The following MYRIP variants were observed in gnomAD, a reference collection of about 807,000 sequenced individuals.
The protein encoded by MYRIP is myosin VIIA and Rab interacting protein, also known as rab effector MyRIP.
A neutral mutation model predicts 98.0 loss-of-function variants in MYRIP; 49 were observed. The ratio of observed to expected loss-of-function variants is 0.50; its 90% CI spans 0.40 to 0.63. The LOEUF is 0.63. Ranked by LOEUF, MYRIP falls within the 30% of genes least tolerant of loss-of-function variation. The pLI, the probability that MYRIP is intolerant of heterozygous loss-of-function variation, is 0.00. For missense variants in MYRIP, 1,004 were observed against 1,058.2 expected (o/e 0.95, Z 0.71); for synonymous variants, 404 against 409.5 (o/e 0.99, Z 0.16).
chr3:39,980,823 G>A (rs982580283), intron 2 of MYRIP, among the ~76,000 whole-genome samples: 1 of 152,046 alleles, frequency 6.6e-6, no homozygotes, highest in Non-Finnish European at 1.5e-5. Context: ...ATCTATAAGT[G>A]CCTAGAGTAG....
At chr3:40,154,557 T>C (rs1393886986) in intron 4 of MYRIP, among the ~76,000 whole-genome samples, 1 of 152,204 alleles carries the variant, frequency 6.6e-6, no homozygotes, top group African/African-American at 2.4e-5. Flanking sequence ...TAAATTTAAT[T>C]TTATTTTAAG....
At chr3:39,891,915 TC>T (rs1943498574) in intron 1 of MYRIP, among the ~76,000 whole-genome samples, 2 of 151,948 alleles carry the variant, frequency 1.3e-5, no homozygotes, top group African/African-American at 4.8e-5. Context: ...CTGTTTTTTT[TC>T]TTTTGACTTT....
chr3:40,089,934 TCA>T (rs1313888881), intron 3 of MYRIP, among the ~76,000 whole-genome samples: 1 of 152,028 alleles, frequency 6.6e-6, no homozygotes, highest in African/African-American at 2.4e-5. Flanking sequence ...TCAAGCAAAG[TCA>T]CACCCTACAC....
intron 2 of MYRIP, among the ~76,000 whole-genome samples, chr3:39,985,912 T>A (rs1946020326): frequency 6.6e-6 from 1 of 151,430 alleles, no homozygotes; most frequent in Admixed American, 6.6e-5. Flanking sequence ...GGGTTTCATG[T>A]CTAAAACACC....
At chr3:39,935,268 G>A (rs890770537) in intron 2 of MYRIP, among the ~76,000 whole-genome samples, 1 of 152,218 alleles carries the variant, frequency 6.6e-6, no homozygotes, top group Non-Finnish European at 1.5e-5. Flanking sequence ...GTGTGTTCAG[G>A]TGGGGAGGGT....
intron 3 of MYRIP, among the ~76,000 whole-genome samples, chr3:40,116,852 C>G (rs1279420983): frequency 6.6e-6 from 1 of 152,220 alleles, no homozygotes; most frequent in African/African-American, 2.4e-5. Flanking sequence ...TCTACAATCT[C>G]ATAACATTAT....
At chr3:40,142,823 G>A (rs1335828083) in intron 3 of MYRIP, among the ~76,000 whole-genome samples, 1 of 152,212 alleles carries the variant, frequency 6.6e-6, no homozygotes, top group East Asian at 1.9e-4. Flanking sequence ...ACAGTTCCAA[G>A]TTGGAAAGCT....
intron 3 of MYRIP, among the ~76,000 whole-genome samples, chr3:40,061,021 T>C (rs1203857747): frequency 6.6e-6 from 1 of 152,226 alleles, no homozygotes; most frequent in Non-Finnish European, 1.5e-5. Flanking sequence ...GATTAAAAAC[T>C]TCATTATATT....
chr3:40,236,752 A>G (rs1346528923), intron 12 of MYRIP, among the ~76,000 whole-genome samples: 1 of 152,226 alleles, frequency 6.6e-6, no homozygotes, highest in East Asian at 1.9e-4. Flanking sequence ...TATCAAATCA[A>G]GTTAGGTGAT....
At chr3:39,838,926 G>T (rs1392697458) in intron 1 of MYRIP, among the ~76,000 whole-genome samples, 1 of 151,996 alleles carries the variant, frequency 6.6e-6, no homozygotes, top group East Asian at 1.9e-4. Context: ...CTTCTTCCTG[G>T]TTTAGTCTTG....
At chr3:40,119,772 G>T (rs886838821) in intron 3 of MYRIP, among the ~76,000 whole-genome samples, 11 of 152,006 alleles carry the variant, frequency 7.2e-5, no homozygotes, top group African/African-American at 1.5e-4. Flanking sequence ...GTTGTGGGGT[G>T]GGGGGAGCAG....
chr3:40,203,299 G>A (rs1385794285), intron 10 of MYRIP, among the ~76,000 whole-genome samples: 1 of 151,990 alleles, frequency 6.6e-6, no homozygotes, highest in African/African-American at 2.4e-5. Flanking sequence ...AGAATTTTTA[G>A]AAGACCTCCA....
At chr3:40,256,590 G>A (rs909884528) in intron 16 of MYRIP, among the ~76,000 whole-genome samples, 8 of 150,328 alleles carry the variant, frequency 5.3e-5, no homozygotes, top group African/African-American at 1.7e-4. Flanking sequence ...TATATAAAAG[G>A]ATGTCAATTT....
intron 1 of MYRIP, among the ~76,000 whole-genome samples, chr3:39,869,278 C>G (rs1384963586): frequency 4.6e-5 from 7 of 152,122 alleles, no homozygotes; most frequent in African/African-American, 1.7e-4. Context: ...ATTGTTCAGA[C>G]TAATCTGAAT....
At chr3:39,915,241 A>G (rs1169193586) in intron 2 of MYRIP, among the ~76,000 whole-genome samples, 1 of 152,052 alleles carries the variant, frequency 6.6e-6, no homozygotes, top group Non-Finnish European at 1.5e-5. Flanking sequence ...TCTGGTTAGT[A>G]AAAAACACAA....
chr3:40,060,143 C>CT lies in MYRIP; in HGVS notation c.332+15877dup, dbSNP rs200042755. On this transcript the variant is annotated intron_variant, in intron 3 of 16. Coordinates refer to ENST00000302541, the MANE Select transcript of MYRIP (RefSeq NM_015460.4). ...AACTGCCAAACATCAAAAATTGAGTCTTTTTAAAAAAAAAAATTTTACAAG... is the reference window on the plus strand; with the variant it reads ...AACTGCCAAACATCAAAAATTGAGTCTTTTTTAAAAAAAAAAATTTTACAAG... Among the ~76,000 whole-genome samples the CT allele has an allele frequency of 3.2e-4, 48 of 151,920 alleles. 1 individual carries two copies. In the East Asian group the frequency reaches 5.2e-3, roughly 17 times the overall value.
chr3:39,996,325 G>A (rs1163356280), intron 2 of MYRIP, among the ~76,000 whole-genome samples: 7 of 152,090 alleles, frequency 4.6e-5, no homozygotes, highest in Non-Finnish European at 8.8e-5. Context: ...TCAAAATAAA[G>A]GGATGGAGGA....
intron 2 of MYRIP, among the ~76,000 whole-genome samples, chr3:40,022,307 G>T (rs1947016617): frequency 6.6e-6 from 1 of 152,186 alleles, no homozygotes; most frequent in African/African-American, 2.4e-5. Context: ...TGTGGTATGG[G>T]CTATAATCGA....
At chr3:39,844,355 AG>A (rs1941897106) in intron 1 of MYRIP, among the ~76,000 whole-genome samples, 1 of 152,236 alleles carries the variant, frequency 6.6e-6, no homozygotes, top group Admixed American at 6.5e-5. Context: ...GTCATGCTAC[AG>A]CTGCCCAATT....
Sources: gnomAD v4.1 joint callset for allele counts (sites outside exome capture counted in the v4.1 genomes callset) on GRCh38, gnomAD v4.1.1 for gene constraint, MANE v1.5 for transcripts, NCBI Gene and HGNC (gene_info 2026-07-23, HGNC 2026-07-21) for gene names.